The following TSHZ2 variants were observed in gnomAD, a reference collection of about 807,000 sequenced individuals.
TSHZ2 encodes the protein teashirt homolog 2.
A neutral mutation model predicts 74.4 loss-of-function variants in TSHZ2; 21 were observed. That is an observed-to-expected ratio of 0.28 (90% CI 0.20 to 0.41). TSHZ2 has a LOEUF of 0.41. Ranked by LOEUF, TSHZ2 falls within the 10% of genes least tolerant of loss-of-function variation. The pLI, the probability that TSHZ2 is intolerant of heterozygous loss-of-function variation, is 1.00. For synonymous variants in TSHZ2, 540 were observed against 515.3 expected (o/e 1.05, Z -0.65); for missense variants, 1,244 against 1,293.5 (o/e 0.96, Z 0.59).
intron 1 of TSHZ2, among the ~76,000 whole-genome samples, chr20:53,237,531 G>A (rs979698466): frequency 5.9e-5 from 9 of 151,806 alleles, no homozygotes; most frequent in South Asian, 2.1e-4. Flanking sequence ...GTGTGTGCGC[G>A]TGCATCTGAA....
chr20:53,433,632 T>C (rs1278744059), intron 2 of TSHZ2, among the ~76,000 whole-genome samples: 1 of 122,222 alleles, frequency 8.2e-6, no homozygotes, highest in African/African-American at 3.1e-5. Context: ...CAGAATTTTA[T>C]TGGCAAGGAA....
intron 2 of TSHZ2, among the ~76,000 whole-genome samples, chr20:53,460,270 T>A (rs922423434): frequency 6.6e-6 from 1 of 152,132 alleles, no homozygotes; most frequent in South Asian, 2.1e-4. Context: ...TTATTCTTTT[T>A]TCTCTAAACT....
intron 2 of TSHZ2, among the ~76,000 whole-genome samples, chr20:53,385,429 C>T (rs184410548): frequency 6.6e-6 from 1 of 152,110 alleles, no homozygotes; most frequent in Non-Finnish European, 1.5e-5. Context: ...TACTGGGGCG[C>T]CCCAAAGGAT....
chr20:53,174,733 G>A (rs1256713522), intron 1 of TSHZ2, among the ~76,000 whole-genome samples: 1 of 152,140 alleles, frequency 6.6e-6, no homozygotes, highest in African/African-American at 2.4e-5. Context: ...AAAGGAAAAT[G>A]TAAAATGGAA....
At chr20:53,398,442 C>G (rs1982535475) in intron 2 of TSHZ2, 1 of 152,202 alleles carries the variant, frequency 6.6e-6, no homozygotes, top group African/African-American at 2.4e-5. Context: ...TTTGAATCAG[C>G]ATTACCATTT....
chr20:53,301,875 A>T (rs1978332119), intron 2 of TSHZ2, among the ~76,000 whole-genome samples: 2 of 152,232 alleles, frequency 1.3e-5, no homozygotes, highest in Admixed American at 1.3e-4. Context: ...CACCCCAGCC[A>T]ACATGAATAC....
At chr20:53,425,272 T>C (rs1175620570) in intron 2 of TSHZ2, among the ~76,000 whole-genome samples, 1 of 152,228 alleles carries the variant, frequency 6.6e-6, no homozygotes, top group Non-Finnish European at 1.5e-5. Context: ...GTCCATGTTC[T>C]GGTTTTGGAA....
chr20:53,270,826 T>A (rs960015984), intron 2 of TSHZ2, among the ~76,000 whole-genome samples: 1 of 152,338 alleles, frequency 6.6e-6, no homozygotes, highest in Non-Finnish European at 1.5e-5. Flanking sequence ...GTTATGCTTT[T>A]TTCAATGCTA....
intron 2 of TSHZ2, among the ~76,000 whole-genome samples, chr20:53,481,997 G>A (rs1450678454): frequency 6.6e-6 from 1 of 151,530 alleles, no homozygotes. Context: ...CCAGCTACTC[G>A]GGAGGCTGAG....
At chr20:53,416,201 G>A (rs1983248454) in intron 2 of TSHZ2, among the ~76,000 whole-genome samples, 1 of 152,208 alleles carries the variant, frequency 6.6e-6, no homozygotes, top group African/African-American at 2.4e-5. Flanking sequence ...AAGGCTCACA[G>A]TGGGCAGAAC....
chr20:53,181,174 C>T (rs1600727408), intron 1 of TSHZ2, among the ~76,000 whole-genome samples: 1 of 152,204 alleles, frequency 6.6e-6, no homozygotes, highest in South Asian at 2.1e-4. Context: ...TAAAGAATCT[C>T]TTCTCTACAT....
At position 53,050,311 on chromosome 20, in the gene TSHZ2, C is replaced by T. The variant is rs574785953; in HGVS notation, c.40+76978C>T. Among the ~76,000 whole-genome samples, 6 of 151,730 alleles carry T rather than the reference C, an allele frequency of 4.0e-5. No individual in the cohort carries two copies. The South Asian group carries it at 8.3e-4, about 21-fold the overall frequency. Reference sequence around the variant, plus strand: ...GCCGATTTACTCTCACTGTTGCTAACCAAAGAGCAGAGTTAAGTCTGCAAA... The same window carrying T: ...GCCGATTTACTCTCACTGTTGCTAATCAAAGAGCAGAGTTAAGTCTGCAAA... On this transcript the variant is annotated intron_variant, in intron 1 of 2. Coordinates refer to ENST00000371497, the MANE Select transcript of TSHZ2 (RefSeq NM_173485.6).
At chr20:53,135,805 A>G (rs1005120) in intron 1 of TSHZ2, among the ~76,000 whole-genome samples, 41,859 of 151,338 alleles carry the variant, frequency 0.28, 5,965 homozygotes, top group African/African-American at 0.33. Context: ...GGGTCTCCCT[A>G]TGTTGTCTAG....
chr20:53,466,053 C>A (rs1276770822), intron 2 of TSHZ2, among the ~76,000 whole-genome samples: 1 of 151,656 alleles, frequency 6.6e-6, no homozygotes, highest in Non-Finnish European at 1.5e-5. Context: ...TCGAGACTAG[C>A]CTGGCCAAGA....
At chr20:53,023,496 A>G (rs1277746191) in intron 1 of TSHZ2, among the ~76,000 whole-genome samples, 2 of 152,332 alleles carry the variant, frequency 1.3e-5, no homozygotes, top group East Asian at 3.9e-4. Flanking sequence ...GCCTCTACGC[A>G]GGAGTACATT....
intron 1 of TSHZ2, among the ~76,000 whole-genome samples, chr20:53,181,157 C>G (rs938756970): frequency 1.3e-5 from 2 of 152,200 alleles, no homozygotes; most frequent in Non-Finnish European, 2.9e-5. Flanking sequence ...ACCCTGGCCC[C>G]GCTAGATAAA....
chr20:53,205,280 C>T (rs1436718442), intron 1 of TSHZ2, among the ~76,000 whole-genome samples: 1 of 152,252 alleles, frequency 6.6e-6, no homozygotes, highest in East Asian at 1.9e-4. Flanking sequence ...CAACATGCGC[C>T]TAAGCTTAAA....
At chr20:53,476,202 AC>A (rs1449086332) in intron 2 of TSHZ2, among the ~76,000 whole-genome samples, 2 of 146,418 alleles carry the variant, frequency 1.4e-5, no homozygotes, top group African/African-American at 5.2e-5. Flanking sequence ...CAGAGACACA[AC>A]AAAAAAAGAG....
At chr20:53,469,634 G>GAGGGAGGGAGGAAGGAAGGA (rs1306380564) in intron 2 of TSHZ2, among the ~76,000 whole-genome samples, 2 of 35,480 alleles carry the variant, frequency 5.6e-5, no homozygotes, top group Non-Finnish European at 9.8e-5. Context: ...GGAAGGGAGG[G>GAGGGAGGGAGGAAGGAAGGA]AGGAAGGAAG....
Sources: gnomAD v4.1 joint callset for allele counts (sites outside exome capture counted in the v4.1 genomes callset) on GRCh38, gnomAD v4.1.1 for gene constraint, MANE v1.5 for transcripts, NCBI Gene and HGNC (gene_info 2026-07-23, HGNC 2026-07-21) for gene names.